The following ADARB2 variants were observed in gnomAD, a reference collection of about 807,000 sequenced individuals.
ADARB2 encodes adenosine deaminase RNA specific B2 (inactive).
In ADARB2, 25 loss-of-function variants were observed where a neutral mutation model predicts 62.2. The ratio of observed to expected loss-of-function variants is 0.40; its 90% confidence interval spans 0.29 to 0.56. The LOEUF (loss-of-function observed/expected upper bound fraction) is 0.56. ADARB2 is among the 20% of genes least tolerant of loss of function. ADARB2 has a pLI of 0.43. For missense variants in ADARB2, 1,071 were observed against 1,077.4 expected (o/e 0.99, Z 0.08); for synonymous variants, 572 against 500.8 (o/e 1.14, Z -1.90).
At chr10:1,219,985 GTGATGATGGTGA>G (rs1830670922) in intron 6 of ADARB2, among the ~76,000 whole-genome samples, 2 of 129,618 alleles carry the variant, frequency 1.5e-5, no homozygotes, top group Non-Finnish European at 3.3e-5. Context: ...GGTGATGGTG[GTGATGATGGTGA>G]TGATGATGGT....
chr10:1,653,242 C>T (rs921419817), intron 1 of ADARB2, among the ~76,000 whole-genome samples: 4 of 152,152 alleles, frequency 2.6e-5, no homozygotes, highest in Admixed American at 6.5e-5. Context: ...GGTGCCCAGG[C>T]GCTGGCTTGC....
At chr10:1,304,423 A>C in intron 3 of ADARB2, among the ~76,000 whole-genome samples, 1 of 151,760 alleles carries the variant, frequency 6.6e-6, no homozygotes, top group Non-Finnish European at 1.5e-5. Flanking sequence ...CACATTAATA[A>C]TGGGAGACTT....
At chr10:1,590,213 T>G (rs1268569345) in intron 1 of ADARB2, among the ~76,000 whole-genome samples, 1 of 152,220 alleles carries the variant, frequency 6.6e-6, no homozygotes, top group Non-Finnish European at 1.5e-5. Flanking sequence ...CCATCTGTGC[T>G]CATTTTCACA....
At chr10:1,511,645 A>G (rs920676218) in intron 1 of ADARB2, among the ~76,000 whole-genome samples, 9 of 152,034 alleles carry the variant, frequency 5.9e-5, no homozygotes, top group Admixed American at 2.0e-4. Flanking sequence ...AGCTGTCTAC[A>G]CTGGATACCA....
At chr10:1,258,018 G>A (rs1384512664) in intron 4 of ADARB2, among the ~76,000 whole-genome samples, 3 of 152,120 alleles carry the variant, frequency 2.0e-5, no homozygotes, top group African/African-American at 7.2e-5. Context: ...CATCCACACA[G>A]TGGGGACCCT....
At chr10:1,611,224 T>C (rs1282182956) in intron 1 of ADARB2, among the ~76,000 whole-genome samples, 1 of 151,712 alleles carries the variant, frequency 6.6e-6, no homozygotes, top group East Asian at 1.9e-4. Flanking sequence ...AGGCGCGGAG[T>C]GAATGCATCT....
chr10:1,584,427 G>C (rs146837719), intron 1 of ADARB2, among the ~76,000 whole-genome samples: 166 of 152,296 alleles, frequency 1.1e-3, no homozygotes, highest in African/African-American at 3.8e-3. Flanking sequence ...CCAAAATCCA[G>C]AACATGGACA....
intron 1 of ADARB2, among the ~76,000 whole-genome samples, chr10:1,659,836 C>G (rs986464650): frequency 2.1e-5 from 3 of 143,990 alleles, no homozygotes; most frequent in African/African-American, 7.5e-5. Context: ...GGCGACCCAT[C>G]ATGCTGCTTC....
chr10:1,183,928 G>C lies in ADARB2; in HGVS notation c.2044-559C>G, dbSNP rs10903401. On this transcript the variant is annotated intron_variant, in intron 9 of 9. Coordinates refer to ENST00000381312, the MANE Select transcript of ADARB2 (RefSeq NM_018702.4). ...CGGGTCTTCCAGGGAGGCACTCACC[G>C]GGGGGTCACCTCGAGCATGTGCAAG... Among the ~76,000 whole-genome samples the C allele has an allele frequency of 3.2e-3, 494 of 152,208 alleles. 2 individuals carry two copies. The highest frequency in any genetic ancestry group is 0.011 in the African/African-American group (446 of 41,544).
intron 1 of ADARB2, among the ~76,000 whole-genome samples, chr10:1,727,345 A>T (rs1835179389): frequency 6.6e-6 from 1 of 152,082 alleles, no homozygotes; most frequent in Admixed American, 6.5e-5. Context: ...TCGTCACCCC[A>T]AAGGTGGTCA....
At chr10:1,222,632 A>G (rs1317525377) in intron 6 of ADARB2, among the ~76,000 whole-genome samples, 3 of 149,004 alleles carry the variant, frequency 2.0e-5, no homozygotes, top group Non-Finnish European at 4.4e-5. Context: ...CTTTCTACAT[A>G]TGGCTAGCCA....
intron 1 of ADARB2, among the ~76,000 whole-genome samples, chr10:1,732,539 TA>T (rs1235715096): frequency 6.6e-6 from 1 of 152,156 alleles, no homozygotes; most frequent in Non-Finnish European, 1.5e-5. Context: ...ACAAAATTTT[TA>T]AAAAGAGAAA....
chr10:1,677,112 T>C (rs1834475993), intron 1 of ADARB2, among the ~76,000 whole-genome samples: 1 of 152,230 alleles, frequency 6.6e-6, no homozygotes, highest in South Asian at 2.1e-4. Flanking sequence ...CATGCTTAGT[T>C]TAATTTAAAG....
At position 1,398,530 on chromosome 10, in the gene ADARB2, TC is replaced by T. The variant is rs1306537622; in HGVS notation, c.101-19371del. 6.6e-6 allele frequency among the ~76,000 whole-genome samples: 1 copy of T among 152,214 alleles called. No individual in the cohort carries two copies. The highest frequency in any genetic ancestry group is 6.5e-5 in the Admixed American group (1 of 15,286). ...CTCTCCAGGAGCCCCTAACCCCAGT[TC>T]CAGATAAACCTTCTGTTTTTCCTAA... is the stretch of plus-strand genomic sequence containing the variant. On this transcript the variant is annotated intron_variant, in intron 1 of 9. Coordinates refer to ENST00000381312, the MANE Select transcript of ADARB2 (RefSeq NM_018702.4). The surrounding 1 kb of genome is among the most constrained non-coding windows in gnomAD (Gnocchi z 4.1).
rs74122625 is a variant in ADARB2, at chr10:1,450,020, C to T, written c.101-70860G>A. Among the ~76,000 whole-genome samples, 598 of 152,308 alleles carry T rather than the reference C, an allele frequency of 3.9e-3. 2 individuals are homozygous for T. The highest frequency in any genetic ancestry group is 0.014 in the African/African-American group (562 of 41,576). On this transcript the variant is annotated intron_variant, in intron 1 of 9. Coordinates refer to ENST00000381312, the MANE Select transcript of ADARB2 (RefSeq NM_018702.4). Reference sequence around the variant, plus strand: ...TGCAAGGAGGCCGTGGCCAGCATGACGCTTGAATGGAAGGAGGCTGCCGCC... The same window carrying T: ...TGCAAGGAGGCCGTGGCCAGCATGATGCTTGAATGGAAGGAGGCTGCCGCC...
intron 1 of ADARB2, among the ~76,000 whole-genome samples, chr10:1,453,159 G>A (rs1831059927): frequency 6.6e-6 from 1 of 152,204 alleles, no homozygotes; most frequent in East Asian, 1.9e-4. Context: ...AGTTGTATCA[G>A]CAAGACGTTA....
intron 1 of ADARB2, among the ~76,000 whole-genome samples, chr10:1,541,182 G>A (rs1588294164): frequency 1.6e-5 from 1 of 62,376 alleles, no homozygotes; most frequent in East Asian, 4.4e-4. Context: ...TTCAGACCCT[G>A]GATCACAGCC....
intron 1 of ADARB2, among the ~76,000 whole-genome samples, chr10:1,606,491 C>T (rs1177736239): frequency 6.6e-6 from 1 of 152,122 alleles, no homozygotes; most frequent in Non-Finnish European, 1.5e-5. Context: ...GCCTTTCAGA[C>T]AGAGGCTGAT....
intron 1 of ADARB2, among the ~76,000 whole-genome samples, chr10:1,390,186 T>C (rs898390844): frequency 7.2e-5 from 11 of 152,364 alleles, no homozygotes; most frequent in African/African-American, 2.4e-4. Context: ...AGCATTATGC[T>C]GAGCAAAAAA....
Sources: gnomAD v4.1 joint callset for allele counts (sites outside exome capture counted in the v4.1 genomes callset) on GRCh38, gnomAD v4.1.1 for gene constraint, Gnocchi (gnomAD v3.1) non-coding constraint, MANE v1.5 for transcripts, NCBI Gene and HGNC (gene_info 2026-07-23, HGNC 2026-07-21) for gene names.